Variants in PCDH15 observed in about 807,000 individuals in gnomAD.
PCDH15 encodes the protein protocadherin-15.
In PCDH15, 129 loss-of-function variants were observed where a neutral mutation model predicts 178.5. The ratio of observed to expected loss-of-function variants is 0.72; its 90% CI spans 0.63 to 0.84. The LOEUF is 0.84. PCDH15 is among the 40% of genes least tolerant of loss of function. The pLI is 0.00. For missense variants in PCDH15, 2,230 were observed against 2,099.9 expected (o/e 1.06, Z -1.21); for synonymous variants, 800 against 732.0 (o/e 1.09, Z -1.50).
intron 2 of PCDH15, among the ~76,000 whole-genome samples, chr10:54,936,131 ACT>A (rs1837900852): frequency 6.6e-6 from 1 of 151,992 alleles, no homozygotes; most frequent in Non-Finnish European, 1.5e-5. Context: ...ATATAAGTGG[ACT>A]CATATAACAT....
rs772300262 is a variant in PCDH15 at position 53,903,261 on chromosome 10, A to T, written c.3483T>A (p.Thr1161=). Residue 1161 remains threonine (T), a synonymous_variant, in exon 26 of 38, where the codon ACT becomes ACA. Coordinates refer to ENST00000644397, the MANE Select transcript of PCDH15 (RefSeq NM_001384140.1). ...GGVSEDARMF[T]SVLRVKATDK... ...CGCATACCTTCACTCTGAGTACAGA[A>T]GTAAACATTCTTGCATCTTCAGATA... 6.2e-7 allele frequency: 1 copy of T among 1,613,162 alleles called. No homozygotes were observed. Among genetic ancestry groups the T allele is most frequent in the Non-Finnish European group, 8.5e-7 (1 of 1,179,446 alleles).
chr10:54,337,460 G>A (rs1342289), intron 6 of PCDH15, among the ~76,000 whole-genome samples: 38,742 of 151,854 alleles, frequency 0.26, 5,448 homozygotes, highest in African/African-American at 0.38. Flanking sequence ...CATGGGGGTG[G>A]CCTCCCCAGC....
chr10:54,647,174 A>T (rs2094147706), intron 2 of PCDH15, among the ~76,000 whole-genome samples: 1 of 152,126 alleles, frequency 6.6e-6, no homozygotes, highest in East Asian at 1.9e-4. Flanking sequence ...CGGAAAGAAA[A>T]TCCTGCAATA....
chr10:54,978,300 T>C (rs1172846962), intron 2 of PCDH15, among the ~76,000 whole-genome samples: 2 of 152,122 alleles, frequency 1.3e-5, no homozygotes, highest in Non-Finnish European at 2.9e-5. Context: ...GGATTCAGTT[T>C]GGAATTTTAG....
At chr10:55,222,710 T>C (rs548970187) in intron 1 of PCDH15, among the ~76,000 whole-genome samples, 2 of 42,192 alleles carry the variant, frequency 4.7e-5, no homozygotes, top group African/African-American at 8.4e-5. Flanking sequence ...TATATCTTTA[T>C]ACACACACAC....
Position 54,953,397 on chromosome 10 carries a change from T to C in PCDH15, c.-79-55897A>G, listed in dbSNP as rs182326042. On this transcript the variant is annotated intron_variant, in intron 2 of 5. Transcript: ENST00000458638. ...ACTTTGCTGTAGTGTATACTTTTAG[T>C]ACATTGTTGGATTCAATTTGCTAGT... Among the ~76,000 whole-genome samples, 4 of 151,620 alleles carry C rather than the reference T, an allele frequency of 2.6e-5. No individual in the cohort carries two copies. In the South Asian group the frequency reaches 8.3e-4, roughly 31 times the overall value.
intron 1 of PCDH15, among the ~76,000 whole-genome samples, chr10:54,732,673 T>G (rs1943572515): frequency 6.6e-6 from 1 of 151,522 alleles, no homozygotes; most frequent in South Asian, 2.1e-4. Context: ...AAGTAACAAC[T>G]CTCACCTGAT....
chr10:54,573,952 A>C (rs959245490), intron 2 of PCDH15, among the ~76,000 whole-genome samples: 2 of 152,124 alleles, frequency 1.3e-5, no homozygotes, highest in Non-Finnish European at 2.9e-5. Context: ...TAGGTTGTGA[A>C]AATTTTCTCC....
intron 18 of PCDH15, among the ~76,000 whole-genome samples, chr10:54,051,323 G>A (rs1287978047): frequency 6.6e-6 from 1 of 152,152 alleles, no homozygotes; most frequent in Non-Finnish European, 1.5e-5. Context: ...CTAAACACTT[G>A]GAAGGCTAGG....
At chr10:55,527,683 C>CA (rs1565225313) in intron 2 of PCDH15, among the ~76,000 whole-genome samples, 1 of 151,288 alleles carries the variant, frequency 6.6e-6, no homozygotes, top group Admixed American at 6.6e-5. Context: ...AATATTAAAT[C>CA]AAAAAAGAGA....
intron 28 of PCDH15, among the ~76,000 whole-genome samples, chr10:53,850,041 T>C (rs2078256277): frequency 6.6e-6 from 1 of 151,936 alleles, no homozygotes; most frequent in South Asian, 2.1e-4. Context: ...AGTAAACAAT[T>C]TACTCATATT....
At chr10:54,450,682 C>T (rs1213554727) in intron 3 of PCDH15, among the ~76,000 whole-genome samples, 1 of 151,560 alleles carries the variant, frequency 6.6e-6, no homozygotes, top group Non-Finnish European at 1.5e-5. Context: ...GCGTTACCCA[C>T]AAAGGGAATT....
At chr10:54,920,257 T>C (rs1435100650) in intron 2 of PCDH15, among the ~76,000 whole-genome samples, 1 of 151,934 alleles carries the variant, frequency 6.6e-6, no homozygotes, top group Non-Finnish European at 1.5e-5. Context: ...GATCACTAGG[T>C]CAGGAGATCG....
intron 3 of PCDH15, among the ~76,000 whole-genome samples, chr10:54,806,307 A>C (rs945270940): frequency 1.3e-5 from 2 of 152,154 alleles, no homozygotes; most frequent in Non-Finnish European, 2.9e-5. Flanking sequence ...AGTAGCTTGA[A>C]GCAACACACA....
chr10:55,044,093 G>A (rs985990448), intron 2 of PCDH15, among the ~76,000 whole-genome samples: 2 of 152,086 alleles, frequency 1.3e-5, no homozygotes, highest in Admixed American at 6.6e-5. Flanking sequence ...TTCAACACCT[G>A]TATAGTGATG....
intron 2 of PCDH15, among the ~76,000 whole-genome samples, chr10:54,973,802 T>G (rs1591814237): frequency 6.6e-6 from 1 of 152,052 alleles, no homozygotes; most frequent in African/African-American, 2.4e-5. Context: ...ATAACCCAAA[T>G]AGTGGTAAAC....
intron 2 of PCDH15, among the ~76,000 whole-genome samples, chr10:55,494,480 GCTT>G (rs1840489350): frequency 6.6e-6 from 1 of 151,356 alleles, no homozygotes. Flanking sequence ...CTGCCATTTT[GCTT>G]CTTTTATTCT....
intron 3 of PCDH15, among the ~76,000 whole-genome samples, chr10:54,829,758 T>C (rs1953192217): frequency 6.6e-6 from 1 of 152,120 alleles, no homozygotes; most frequent in African/African-American, 2.4e-5. Flanking sequence ...TGTAATTTAT[T>C]CCTGTTGTTT....
At chr10:54,780,955 C>T (rs1950298624) in intron 1 of PCDH15, among the ~76,000 whole-genome samples, 1 of 151,944 alleles carries the variant, frequency 6.6e-6, no homozygotes, top group Admixed American at 6.6e-5. Context: ...GTCTCAAATA[C>T]AGTAATGTGG....
Sources: allele counts gnomAD v4.1 joint callset (sites outside exome capture counted in the v4.1 genomes callset), GRCh38; gene constraint gnomAD v4.1.1; transcripts MANE v1.5; gene names NCBI Gene and HGNC (gene_info 2026-07-23, HGNC 2026-07-21).